The following PATJ variants were observed in gnomAD, a reference collection of about 807,000 sequenced individuals.
The protein encoded by PATJ is inaD-like protein.
PATJ carries 190 observed loss-of-function variants against 224.9 expected under a neutral mutation model. The ratio of observed to expected loss-of-function variants is 0.84; its 90% CI spans 0.75 to 0.95. PATJ has a LOEUF of 0.95. Ranked by LOEUF, PATJ falls within the 40% of genes least tolerant of loss-of-function variation. The pLI, the probability that PATJ is intolerant of heterozygous loss-of-function variation, is 0.00. For missense variants in PATJ, 2,121 were observed against 2,270.3 expected (o/e 0.93, Z 1.34); for synonymous variants, 769 against 820.3 (o/e 0.94, Z 1.07).
chr1:62,039,141 C>T, intron 30 of PATJ: 1 of 627,496 alleles, frequency 1.6e-6, no homozygotes, highest in East Asian at 3.0e-5. Context: ...AGCAGCCTGT[C>T]ATAGGAACTC....
At chr1:61,998,055 A>G (rs1420912116) in intron 28 of PATJ, among the ~76,000 whole-genome samples, 1 of 132,588 alleles carries the variant, frequency 7.5e-6, no homozygotes, top group Admixed American at 8.5e-5. Flanking sequence ...TATATATTAT[A>G]TATAATAAAT....
At chr1:61,877,130 A>C (rs1165079599) in intron 21 of PATJ, among the ~76,000 whole-genome samples, 1 of 152,136 alleles carries the variant, frequency 6.6e-6, no homozygotes. Context: ...TCTTAACTAC[A>C]CACTAAGCTT....
At chr1:61,992,265 G>A (rs1404897372) in intron 28 of PATJ, among the ~76,000 whole-genome samples, 1 of 151,980 alleles carries the variant, frequency 6.6e-6, no homozygotes, top group Non-Finnish European at 1.5e-5. Flanking sequence ...TTACAGGCAA[G>A]TGCCACCATG....
chr1:61,819,125 C>G (rs1012390693), intron 14 of PATJ, among the ~76,000 whole-genome samples: 135 of 152,206 alleles, frequency 8.9e-4, no homozygotes, highest in African/African-American at 3.1e-3. Flanking sequence ...GGCTGACTCA[C>G]TGTTATCCCT....
At position 61,763,057 on chromosome 1, in the gene PATJ, T is replaced by C. The variant is rs763228044; in HGVS notation, c.67T>C (p.Leu23=). The change falls in exon 3 of 44, where the codon TTG becomes CTG. Residue 23 remains leucine (L), a synonymous_variant. Transcript: ENST00000642238. ...LQVLDRLKMK[L]QEKGDTSQNE... ...GGTACTTGATCGCCTGAAAATGAAA[T>C]TGCAGGAGAAGGGTGACACGTCGCA... The C allele has an allele frequency of 1.2e-6, 2 of 1,611,264 alleles. No homozygotes were observed. Among genetic ancestry groups the C allele is most frequent in the East Asian group, 2.2e-5 (1 of 44,732 alleles).
chr1:61,793,062 AATT>A (rs1650225746), intron 9 of PATJ, among the ~76,000 whole-genome samples: 2 of 151,774 alleles, frequency 1.3e-5, no homozygotes, highest in African/African-American at 4.8e-5. Context: ...CTTTTTTAAA[AATT>A]ATTATTATCA....
At chr1:62,122,666 A>T (rs1051643540) in intron 38 of PATJ, among the ~76,000 whole-genome samples, 2 of 152,084 alleles carry the variant, frequency 1.3e-5, no homozygotes, top group Non-Finnish European at 2.9e-5. Flanking sequence ...CTCTACTAAA[A>T]ATACAAAAAT....
intron 36 of PATJ, 64 bp downstream of exon 36, chr1:62,116,743 T>C: frequency 6.8e-7 from 1 of 1,468,776 alleles, no homozygotes; most frequent in Non-Finnish European, 9.2e-7. Flanking sequence ...ACTGTTCCAG[T>C]CTAGCTTGAT....
intron 34 of PATJ, 92 bp from the exon 35 acceptor site, chr1:62,113,961 T>G: frequency 7.9e-7 from 1 of 1,269,116 alleles, no homozygotes; most frequent in Non-Finnish European, 1.1e-6. Flanking sequence ...TTTCTAGAGA[T>G]TCTTTACTGG....
intron 27 of PATJ, among the ~76,000 whole-genome samples, chr1:61,981,837 A>G (rs1224159104): frequency 1.3e-5 from 2 of 151,924 alleles, no homozygotes; most frequent in African/African-American, 4.8e-5. Flanking sequence ...ACATCCAGCT[A>G]ATTTTGGATT....
intron 29 of PATJ, among the ~76,000 whole-genome samples, chr1:62,035,190 T>A (rs1458542815): frequency 6.6e-6 from 1 of 152,184 alleles, no homozygotes. Flanking sequence ...TGAAAAACAA[T>A]AGCTAAGCCA....
At chr1:62,135,388 T>C (rs1201903497) in intron 41 of PATJ, among the ~76,000 whole-genome samples, 2 of 151,830 alleles carry the variant, frequency 1.3e-5, no homozygotes, top group Non-Finnish European at 2.9e-5. Context: ...TGGTAATGCA[T>C]ACCTGTAATC....
intron 41 of PATJ, among the ~76,000 whole-genome samples, chr1:62,133,700 C>G (rs1328995647): frequency 1.3e-5 from 2 of 151,674 alleles, no homozygotes; most frequent in African/African-American, 4.8e-5. Context: ...AGGGCTCCCC[C>G]AGCCTTTCTG....
chr1:61,869,288 A>G (rs1276695008), intron 20 of PATJ, among the ~76,000 whole-genome samples: 1 of 151,336 alleles, frequency 6.6e-6, no homozygotes, highest in Non-Finnish European at 1.5e-5. Flanking sequence ...TTGTATTTTT[A>G]GTAGAGACGG....
At chr1:62,129,874 G>A (rs1666087974) in intron 41 of PATJ, among the ~76,000 whole-genome samples, 1 of 152,098 alleles carries the variant, frequency 6.6e-6, no homozygotes, top group African/African-American at 2.4e-5. Flanking sequence ...GGGAGAAGGA[G>A]GTTGCAGTGA....
chr1:61,869,177 G>T (rs371246476), intron 20 of PATJ, among the ~76,000 whole-genome samples: 10 of 143,718 alleles, frequency 7.0e-5, no homozygotes, highest in African/African-American at 2.7e-4. Context: ...CGCCATCTCG[G>T]CTCACTGCAA....
At position 62,108,437 on chromosome 1, in the gene PATJ, A is replaced by G; in HGVS notation, c.4378A>G (p.Asn1460Asp). Reference sequence around the variant, plus strand: ...ATGAGTAAGATTTTATTTTTTATAGAATGCTATAGTTATCCATGAAGTCTA... The same window carrying G: ...ATGAGTAAGATTTTATTTTTTATAGGATGCTATAGTTATCCATGAAGTCTA... ...SIVGGKDTPLNAIVIHEVYEE... is the reference protein window; with the variant it reads ...SIVGGKDTPLDAIVIHEVYEE... The change falls in exon 34 of 44, where the codon AAT becomes GAT. Residue 1460 changes from asparagine to aspartate, a missense_variant and splice_region_variant. Asn to Asp is a conservative substitution (Grantham distance 23, BLOSUM62 1). Coordinates refer to ENST00000642238, the MANE Select transcript of PATJ (RefSeq NM_001350145.3). The G allele has an allele frequency of 6.3e-7, 1 of 1,586,136 alleles. No individual in the cohort carries two copies. Among genetic ancestry groups the G allele is most frequent in the Non-Finnish European group, 8.6e-7 (1 of 1,161,892 alleles).
At chr1:62,037,309 G>A (rs1011591142) in intron 29 of PATJ, among the ~76,000 whole-genome samples, 34 of 152,136 alleles carry the variant, frequency 2.2e-4, no homozygotes, top group Non-Finnish European at 7.3e-5. Context: ...TAGTAATGTG[G>A]TGAAAATAGG....
chr1:62,051,127 T>C (rs911734628), intron 31 of PATJ, 69 bp downstream of exon 31: 1 of 1,171,900 alleles, frequency 8.5e-7, no homozygotes, highest in African/African-American at 1.5e-5. Context: ...TTGTACCACC[T>C]TGGAAAGAAC....
Sources: gnomAD v4.1 joint callset for allele counts (sites outside exome capture counted in the v4.1 genomes callset) on GRCh38, gnomAD v4.1.1 for gene constraint, MANE v1.5 for transcripts, NCBI Gene and HGNC (gene_info 2026-07-23, HGNC 2026-07-21) for gene names.